TTN: variants seen among roughly 807,000 people sequenced by gnomAD.
TTN encodes the protein titin.
TTN carries 1,525 observed loss-of-function variants against 3,223.0 expected under a neutral mutation model. That is an observed-to-expected ratio of 0.47 (90% CI 0.45 to 0.49). The LOEUF is 0.49. Ranked by LOEUF, TTN falls within the 20% of genes least tolerant of loss-of-function variation. The pLI, the probability that TTN is intolerant of heterozygous loss-of-function variation, is 0.00. For synonymous variants in TTN, 14,094 were observed against 15,161.0 expected (o/e 0.93, Z 5.17); for missense variants, 40,786 against 43,424.0 (o/e 0.94, Z 5.40).
intron 125 of TTN, 22 bp downstream of exon 125, chr2:178,689,031 A>G (rs2071635615): frequency 8.4e-7 from 1 of 1,192,240 alleles, no homozygotes; most frequent in Non-Finnish European, 1.2e-6. Flanking sequence ...TTTTTTTGTC[A>G]GAGGATTGAG....
rs1425562025 is a variant in TTN, at chr2:178,560,903, T to A, written c.85229A>T (p.Asp28410Val). 6.2e-7 allele frequency: 1 copy of A among 1,613,654 alleles called. No homozygotes were observed. The highest frequency in any genetic ancestry group is 1.3e-5 in the African/African-American group (1 of 74,942). ...ERARTEIIST[D>V]NHTLLTVKDC... ...TTTAACTGTTAACAAAGTATGATTG[T>A]CTGTTGAGATGATTTCTGTTCTTGC... Residue 28410 changes from aspartate to valine, a missense_variant, in exon 326 of 363, where the codon GAC becomes GTC. Physicochemically the swap from Asp to Val is radical, Grantham distance 152. Coordinates refer to ENST00000589042, the MANE Select transcript of TTN (RefSeq NM_001267550.2).
intron 321 of TTN, among the ~76,000 whole-genome samples, chr2:178,578,397 T>TA (rs1242014517): frequency 1.3e-5 from 2 of 152,054 alleles, no homozygotes; most frequent in East Asian, 3.9e-4. Flanking sequence ...AATTTTAACT[T>TA]ACAAAAATAG....
chr2:178,781,393 C>T (rs2154349087), intron 20 of TTN, 130 bp from the exon 21 acceptor site: 5 of 1,029,030 alleles, frequency 4.9e-6, no homozygotes, highest in Non-Finnish European at 7.2e-6. Context: ...CTAAGCTCCA[C>T]AATAGATTAT....
In TTN at chr2:178,571,117, G is replaced by T. The variant is rs2154169091; in HGVS notation, c.75015C>A (p.Asp25005Glu). Residue 25005 changes from aspartate (D) to glutamate (E), a missense_variant, in exon 326 of 363, where the codon GAC becomes GAA. By Grantham distance (45) the Asp-to-Glu change is conservative (BLOSUM62 2). Coordinates refer to ENST00000589042, the MANE Select transcript of TTN (RefSeq NM_001267550.2). ...SKVSECYVAR[D>E]PCDPPGRPEA... Reference sequence around the variant, plus strand: ...CTGGCCGTCCTGGTGGATCACATGGGTCACGAGCCACATAACATTCTGATA... The same window carrying T: ...CTGGCCGTCCTGGTGGATCACATGGTTCACGAGCCACATAACATTCTGATA... The T allele has an allele frequency of 6.2e-7, 1 of 1,613,362 alleles. No homozygotes were observed.
chr2:178,756,116 A>T, intron 46 of TTN, 106 bp downstream of exon 46: 1 of 857,032 alleles, frequency 1.2e-6, no homozygotes, highest in Non-Finnish European at 1.8e-6. Context: ...GTGCTAATTT[A>T]GAGATATTCT....
Position 178,613,740 on chromosome 2 carries a change from T to G in TTN, c.49532+11A>C. ...GCTGTCTTAACATCTTGATGGGGAT[T>G]CTGAGCATACCTGTATGTTGTGTCC... On this transcript the variant is annotated intron_variant, in intron 263 of 362. Transcript: ENST00000589042. 6.2e-7 allele frequency: 1 copy of G among 1,608,562 alleles called. No individual in the cohort carries two copies. Among genetic ancestry groups the G allele is most frequent in the Non-Finnish European group, 8.5e-7 (1 of 1,177,466 alleles).
Position 178,587,188 on chromosome 2 carries a change from A to C in TTN, c.64023T>G (p.Thr21341=), listed in dbSNP as rs747104609. Residue 21341 remains threonine, a synonymous_variant, in exon 307 of 363, where the codon ACT becomes ACG. Coordinates refer to ENST00000589042, the MANE Select transcript of TTN (RefSeq NM_001267550.2). ...CGCCAGGGCCATATTCGTTGACAGC[A>C]GTTACTCTGAAGTAATACTCATTCC... is the stretch of plus-strand genomic sequence containing the variant. ...VPGNEYYFRV[T]AVNEYGPGVP... is the part of the protein sequence containing the mutation. 2 of 1,613,344 alleles carry C rather than the reference A, an allele frequency of 1.2e-6. No homozygotes were observed. Among genetic ancestry groups the C allele is most frequent in the Non-Finnish European group, 8.5e-7 (1 of 1,179,476 alleles).
chr2:178,596,721 T>C (rs2051736428), intron 294 of TTN, among the ~76,000 whole-genome samples: 1 of 152,082 alleles, frequency 6.6e-6, no homozygotes, highest in Admixed American at 6.5e-5. Flanking sequence ...ATGCCATTCT[T>C]ATATTAATTA....
rs2154308822 is a variant in TTN, at chr2:178,731,061, T to C, written c.17604A>G (p.Lys5868=). Residue 5868 remains lysine (K), a synonymous_variant, in exon 60 of 363, where the codon AAA becomes AAG. Coordinates refer to ENST00000589042, the MANE Select transcript of TTN (RefSeq NM_001267550.2). ...CTGTATCAGTGACACTGATTTTATA[T>C]TTTGAGCCCAGGGTCAGTTCTTGGC... The part of the protein sequence containing the change: ...KDGQELTLGS[K]YKISVTDTVS... The C allele has an allele frequency of 6.2e-7, 1 of 1,613,722 alleles. No homozygotes were observed. Among genetic ancestry groups the C allele is most frequent in the Non-Finnish European group, 8.5e-7 (1 of 1,179,734 alleles).
rs1225577870 is a variant in TTN, at chr2:178,598,977, A to C, written c.56733T>G (p.Asp18911Glu). ...MTVNWEEPEY[D>E]GGSPVTGYWL... ...AGTACCCTGTCACAGGAGAGCCTCC[A>C]TCATATTCTGGCTCTTCCCAGTTGA... Residue 18911 changes from aspartate to glutamate, a missense_variant, in exon 291 of 363, where the codon GAT becomes GAG. Transcript: ENST00000589042. The C allele has an allele frequency of 6.2e-7, 1 of 1,612,260 alleles. No individual in the cohort carries two copies. The highest frequency in any genetic ancestry group is 1.1e-5 in the South Asian group (1 of 90,958).
intron 102 of TTN, 146 bp from the exon 103 acceptor site, chr2:178,705,503 AC>A (rs2075718033): frequency 1.4e-6 from 1 of 708,474 alleles, no homozygotes; most frequent in South Asian, 3.3e-5. Context: ...TAGCTGTGAA[AC>A]AATTTAAAAA....
At chr2:178,692,454 A>T in intron 120 of TTN, 43 bp downstream of exon 120, 1 of 1,502,848 alleles carries the variant, frequency 6.7e-7, no homozygotes. Flanking sequence ...AAAAGATACA[A>T]GATGGATGCT....
At position 178,542,670 on chromosome 2, in the gene TTN, ATAACT is replaced by A; in HGVS notation, c.97179_97183del (p.Lys32393AsnfsTer4). The stretch of plus-strand genomic sequence containing the variant: ...TTGTCACACATCCTTACCAAGAATG[ATAACT>A]TTAATGGTTTCTGAAGTAGTTCCGG... On this transcript the variant is annotated frameshift_variant, in exon 348 of 363. Transcript: ENST00000589042. LOFTEE classifies it high-confidence loss of function. 6.2e-7 allele frequency: 1 copy of A among 1,611,214 alleles called. No homozygotes were observed. The highest frequency in any genetic ancestry group is 1.3e-5 in the African/African-American group (1 of 75,008).
rs773541746 is a variant in TTN, at chr2:178,557,426, C to G, written c.87836G>C (p.Arg29279Thr). Residue 29279 changes from arginine (R) to threonine (T), a missense_variant, in exon 329 of 363, where the codon AGA becomes ACA. By Grantham distance (71) the Arg-to-Thr change is moderately conservative. Coordinates refer to ENST00000589042, the MANE Select transcript of TTN (RefSeq NM_001267550.2). ...GGCTTTTTGCCATAAAATACTGTTT[C>G]TGTCTTTCATTTCCAGGTGATAGCC... ...VVGYHLEMKD[R>T]NSILWQKANK... 9 of 1,613,944 alleles carry G rather than the reference C, an allele frequency of 5.6e-6. No homozygotes were observed. Among genetic ancestry groups the G allele is most frequent in the Non-Finnish European group, 7.6e-6 (9 of 1,179,844 alleles).
Position 178,721,214 on chromosome 2 carries a change from A to G in TTN, c.22817-12T>C. The G allele has an allele frequency of 6.4e-7, 1 of 1,570,520 alleles. No individual in the cohort carries two copies. Among genetic ancestry groups the G allele is most frequent in the Non-Finnish European group, 8.6e-7 (1 of 1,156,222 alleles). ...AAACTTTGGAGGTTCTAGTAAACCA[A>G]ACAAAACAGTCAGTAAGGGATATTT... is the stretch of plus-strand genomic sequence containing the variant. On this transcript the variant is annotated splice_polypyrimidine_tract_variant and intron_variant, in intron 78 of 362. Transcript: ENST00000589042.
At chr2:178,641,402 G>C (rs1424306743) in intron 219 of TTN, 87 bp from the exon 220 acceptor site, 4 of 806,002 alleles carry the variant, frequency 5.0e-6, no homozygotes, top group African/African-American at 1.8e-5. Flanking sequence ...AATGTACAAA[G>C]CAAGGAAAAT....
rs762434090 is a variant in TTN, at chr2:178,558,538, A to G, written c.86921T>C (p.Ile28974Thr). 3.7e-6 allele frequency: 6 copies of G among 1,613,790 alleles called. No homozygotes were observed. The highest frequency in any genetic ancestry group is 2.2e-5 in the South Asian group (2 of 91,074). ...TAGTGCTTCAACGACATAGTGTACA[A>G]TTCTGCTTCCGCCATCATGTTCAGG... ...LKPEHDGGSR[I>T]VHYVVEALEK... Residue 28974 changes from isoleucine (I) to threonine (T), a missense_variant, in exon 327 of 363, where the codon ATT becomes ACT. Ile to Thr is a moderately conservative substitution (Grantham distance 89, BLOSUM62 -1). Coordinates refer to ENST00000589042, the MANE Select transcript of TTN (RefSeq NM_001267550.2).
rs1035262347 is a variant in TTN at position 178,650,159 on chromosome 2, T to C, written c.39817+5A>G. The stretch of plus-strand genomic sequence containing the variant: ...TTTTCCCATACAGTGGATTCTGCTT[T>C]GTACCTGCTGGAGGTGGAACCTCTG... On this transcript the variant is annotated splice_donor_5th_base_variant and intron_variant, in intron 210 of 362. Coordinates refer to ENST00000589042, the MANE Select transcript of TTN (RefSeq NM_001267550.2). 2 of 1,571,026 alleles carry C rather than the reference T, an allele frequency of 1.3e-6. No homozygotes were observed. The highest frequency in any genetic ancestry group is 1.7e-6 in the Non-Finnish European group (2 of 1,156,752).
chr2:178,616,977 C>A lies in TTN; in HGVS notation c.47912G>T (p.Gly15971Val). Residue 15971 changes from glycine to valine, a missense_variant, in exon 256 of 363, where the codon GGT (glycine) becomes GTT (valine). Transcript: ENST00000589042. ...AGGATTTGGGACAATAACTTCCAGA[C>A]CATCTTTAAATGCACTTAAATCCAT... ...PTMDLSAFKD[G>V]LEVIVPNPIT... is the part of the protein sequence containing the mutation. 6.2e-7 allele frequency: 1 copy of A among 1,612,632 alleles called. No individual in the cohort carries two copies. The highest frequency in any genetic ancestry group is 8.5e-7 in the Non-Finnish European group (1 of 1,179,052).
Sources: gnomAD v4.1 joint callset for allele counts (sites outside exome capture counted in the v4.1 genomes callset) on GRCh38, gnomAD v4.1.1 for gene constraint, MANE v1.5 for transcripts, NCBI Gene and HGNC (gene_info 2026-07-23, HGNC 2026-07-21) for gene names.